The following SHCBP1L variants were observed in gnomAD, a reference collection of about 807,000 sequenced individuals.
SHCBP1L encodes the protein testicular spindle-associated protein SHCBP1L.
Under a neutral mutation model 62.5 loss-of-function variants are expected in SHCBP1L, and 67 were observed. That is an observed-to-expected ratio of 1.07 (90% CI 0.88 to 1.31). The LOEUF (loss-of-function observed/expected upper bound fraction) is 1.31. Among genes scored for constraint, SHCBP1L ranks in the 40% most tolerant of loss-of-function variants. The pLI is 0.00. For missense variants in SHCBP1L, 823 were observed against 809.8 expected, an observed-to-expected ratio of 1.02 and a Z score of -0.20; for synonymous variants, 284 against 289.4, an observed-to-expected ratio of 0.98 and a Z score of 0.19.
chr1:182,903,031 G>A lies in SHCBP1L; in HGVS notation c.1710+8C>T. On this transcript the variant is annotated splice_region_variant and intron_variant, in intron 9 of 9. Coordinates refer to ENST00000367547, the MANE Select transcript of SHCBP1L (RefSeq NM_030933.4). ...ATAACAATGCTACATCAAGAAATAA[G>A]AGAATACCTTCATATTAACTCCACC... is the stretch of plus-strand genomic sequence containing the variant. 1 of 1,566,630 alleles carries A rather than the reference G, an allele frequency of 6.4e-7. No individual in the cohort carries two copies. Among genetic ancestry groups the A allele is most frequent in the Non-Finnish European group, 8.6e-7 (1 of 1,158,212 alleles).
chr1:182,934,067 T>A (rs1434378640), intron 5 of SHCBP1L, among the ~76,000 whole-genome samples: 1 of 152,154 alleles, frequency 6.6e-6, no homozygotes, highest in African/African-American at 2.4e-5. Flanking sequence ...GTAGATTGTG[T>A]CTTACTAGGC....
At chr1:182,944,957 C>CTTTTTTTTTTTTTTTTTTTTTTT (rs11309339) in intron 2 of SHCBP1L, among the ~76,000 whole-genome samples, 27 of 109,040 alleles carry the variant, frequency 2.5e-4, no homozygotes, top group South Asian at 6.1e-4. Flanking sequence ...TTCTTTCTTT[C>CTTTTTTTTTTTTTTTTTTTTTTT]TTTTTTTTTT....
rs1649941328 is a variant in SHCBP1L, at chr1:182,904,433, G to T, written c.1337-3C>A. 6.2e-7 allele frequency: 1 copy of T among 1,613,294 alleles called. No homozygotes were observed. Among genetic ancestry groups the T allele is most frequent in the South Asian group, 1.1e-5 (1 of 90,992 alleles). On this transcript the variant is annotated splice_region_variant and splice_polypyrimidine_tract_variant and intron_variant, in intron 7 of 9. Transcript: ENST00000367547. ...AATTTCCTCTCTCTTTCCAACTCCT[G>T]ATTCATAGGGATAAAAATACATTAA...
rs753929759 is a variant in SHCBP1L, at chr1:182,904,489, T to C, written c.1337-59A>G. On this transcript the variant is annotated intron_variant, in intron 7 of 9. Transcript: ENST00000367547. ...TAATCTCCCATTTTAAGGCCCTTTA[T>C]TGTCATTCAACAATACTGCTGTTAC... 3.6e-4 allele frequency: 567 copies of C among 1,581,686 alleles called. 2 individuals carry two copies. Among genetic ancestry groups the C allele is most frequent in the Non-Finnish European group, 2.6e-4 (307 of 1,162,894 alleles).
In SHCBP1L at chr1:182,924,786, A is replaced by AAG. The variant is rs370806414; in HGVS notation, c.1182+4859_1182+4860dup. Among the ~76,000 whole-genome samples the AAG allele has an allele frequency of 1.7e-4, 16 of 93,016 alleles. 1 individual carries two copies. Among genetic ancestry groups the AAG allele is most frequent in the African/African-American group, 1.6e-3 (16 of 10,294 alleles). The allele number at this position is 93,016 out of a possible 152,430, so 61.0% of individuals were successfully genotyped here. ...AAAGAAAGAAAGAAAGAAAGAAAGA[A>AAG]AGAGAGAAAGAAAGGAAGGAAGGAA... is the stretch of plus-strand genomic sequence containing the variant. On this transcript the variant is annotated intron_variant, in intron 6 of 9. Transcript: ENST00000367547.
intron 5 of SHCBP1L, among the ~76,000 whole-genome samples, chr1:182,932,918 T>C (rs1305168568): frequency 6.6e-6 from 1 of 152,020 alleles, no homozygotes; most frequent in African/African-American, 2.4e-5. Flanking sequence ...ATTTACTTTT[T>C]TTTTGGAAAC....
intron 6 of SHCBP1L, among the ~76,000 whole-genome samples, chr1:182,913,441 C>A (rs1362277866): frequency 6.6e-6 from 1 of 152,048 alleles, no homozygotes; most frequent in East Asian, 1.9e-4. Flanking sequence ...GGGAGAAAGC[C>A]CCACATATTT....
chr1:182,899,930 C>A lies in SHCBP1L; in HGVS notation c.*53G>T. On this transcript the variant is annotated 3_prime_UTR_variant, in exon 10 of 10. Transcript: ENST00000367547. ...TACCATTTCAGTGGGGTATGAGAAT[C>A]ATGTATTAAACAAATTTGTGAAATA... 2 of 1,460,932 alleles carry A rather than the reference C, an allele frequency of 1.4e-6. No homozygotes were observed. The highest frequency in any genetic ancestry group is 1.5e-5 in the South Asian group (1 of 65,704). The allele number at this position is 1,460,932 out of a possible 1,614,324, so 90.5% of individuals were successfully genotyped here.
intron 1 of SHCBP1L, among the ~76,000 whole-genome samples, 198 bp from the exon 2 acceptor site, chr1:182,951,665 A>G (rs1279398085): frequency 6.6e-6 from 1 of 152,206 alleles, no homozygotes; most frequent in Admixed American, 6.5e-5. Context: ...ATTAAACTTA[A>G]AAGAGATCTA....
chr1:182,923,660 C>G (rs951656908), intron 6 of SHCBP1L, among the ~76,000 whole-genome samples: 22 of 152,274 alleles, frequency 1.4e-4, no homozygotes, highest in African/African-American at 5.3e-4. Flanking sequence ...TCAACAGATG[C>G]TGAAAAGGCT....
intron 2 of SHCBP1L, among the ~76,000 whole-genome samples, chr1:182,944,735 T>A (rs1651494236): frequency 6.6e-6 from 1 of 152,048 alleles, no homozygotes; most frequent in Non-Finnish European, 1.5e-5. Flanking sequence ...ATCTCTTTCA[T>A]TTTGCCTCAT....
Position 182,952,812 on chromosome 1 carries a change from G to A in SHCBP1L, c.322C>T (p.Pro108Ser). The A allele has an allele frequency of 6.2e-7, 1 of 1,612,590 alleles. No homozygotes were observed. The highest frequency in any genetic ancestry group is 8.5e-7 in the Non-Finnish European group (1 of 1,179,530). The change falls in exon 1 of 10, where the codon CCA (proline) becomes TCA (serine). Residue 108 changes from proline to serine, a missense_variant. Physicochemically the swap from Pro to Ser is moderately conservative, Grantham distance 74 (BLOSUM62 -1). Coordinates refer to ENST00000367547, the MANE Select transcript of SHCBP1L (RefSeq NM_030933.4). ...CCCCTCATACGGGACACGCAGACTG[G>A]GGGCAGGGGCTGCGCCTCCTCTTCA... ...EDEEEAQPLP[P>S]VCVSRMRGMW...
At chr1:182,907,706 G>A (rs1650060442) in intron 6 of SHCBP1L, among the ~76,000 whole-genome samples, 1 of 151,938 alleles carries the variant, frequency 6.6e-6, no homozygotes, top group Non-Finnish European at 1.5e-5. Context: ...AGCCTCCCGA[G>A]TAGCTGGGAC....
intron 6 of SHCBP1L, among the ~76,000 whole-genome samples, chr1:182,907,848 G>A (rs1650064816): frequency 6.6e-6 from 1 of 152,114 alleles, no homozygotes; most frequent in Admixed American, 6.5e-5. Flanking sequence ...CAAAGTGCTG[G>A]GATTACAGGC....
rs1436633037 is a variant in SHCBP1L at position 182,930,683 on chromosome 1, GTGTGTGTGTGTGTGTGTGTGTA to G, written c.1077-953_1077-932del. On this transcript the variant is annotated intron_variant, in intron 5 of 9. Coordinates refer to ENST00000367547, the MANE Select transcript of SHCBP1L (RefSeq NM_030933.4). ...TGTGTGTGTGTGTGTGTGTGTGTGT[GTGTGTGTGTGTGTGTGTGTGTA>G]TATATATATATATATATATGTATTT... is the stretch of plus-strand genomic sequence containing the variant. 7.5e-3 allele frequency among the ~76,000 whole-genome samples: 613 copies of G among 81,652 alleles called. 40 individuals are homozygous for G. The highest frequency in any genetic ancestry group is 0.04 in the African/African-American group (601 of 14,862). The allele number at this position is 81,652 out of a possible 152,430, so 53.6% of individuals were successfully genotyped here.
chr1:182,910,384 G>C (rs936932522), intron 6 of SHCBP1L, among the ~76,000 whole-genome samples: 1 of 152,190 alleles, frequency 6.6e-6, no homozygotes, highest in African/African-American at 2.4e-5. Flanking sequence ...AGGCCACCAG[G>C]TGGTAGGGTG....
chr1:182,926,060 T>G (rs1004534219), intron 6 of SHCBP1L, among the ~76,000 whole-genome samples: 1 of 151,978 alleles, frequency 6.6e-6, no homozygotes, highest in Admixed American at 6.6e-5. Context: ...AAAGGGGAAA[T>G]GGAGGTATGG....
chr1:182,907,310 G>A (rs1295814593), intron 6 of SHCBP1L, among the ~76,000 whole-genome samples: 1 of 150,834 alleles, frequency 6.6e-6, no homozygotes, highest in Non-Finnish European at 1.5e-5. Flanking sequence ...GTACATGCCT[G>A]TAATCCCAGC....
chr1:182,905,491 C>T lies in SHCBP1L; in HGVS notation c.1336+5G>A. ...AAAAAAAACTACAAAGGATGCCCTG[C>T]TAACCCTTTATAATGATGTCATCTG... On this transcript the variant is annotated splice_donor_5th_base_variant and intron_variant, in intron 7 of 9. Transcript: ENST00000367547. The T allele has an allele frequency of 1.2e-6, 2 of 1,613,426 alleles. No individual in the cohort carries two copies. Among genetic ancestry groups the T allele is most frequent in the Non-Finnish European group, 1.7e-6 (2 of 1,179,718 alleles).
Sources: gnomAD v4.1 joint callset for allele counts (sites outside exome capture counted in the v4.1 genomes callset) on GRCh38, gnomAD v4.1.1 for gene constraint, MANE v1.5 for transcripts, NCBI Gene and HGNC (gene_info 2026-07-23, HGNC 2026-07-21) for gene names.